OPCML: variants seen among roughly 807,000 people sequenced by gnomAD.
OPCML encodes the protein opioid binding protein/cell adhesion molecule like, also known as opioid-binding protein/cell adhesion molecule.
OPCML carries 13 observed loss-of-function variants against 37.8 expected under a neutral mutation model. The observed-to-expected ratio is 0.34, with a 90% confidence interval of 0.22 to 0.55. OPCML has a LOEUF of 0.55. Ranked by LOEUF, OPCML falls within the 20% of genes least tolerant of loss-of-function variation. The pLI is 0.91. For missense variants in OPCML, 341 were observed against 435.6 expected (o/e 0.78, Z 1.93); for synonymous variants, 176 against 168.8 (o/e 1.04, Z -0.33).
At chr11:133,152,197 C>A (rs75122698) in intron 1 of OPCML, among the ~76,000 whole-genome samples, 2 of 152,234 alleles carry the variant, frequency 1.3e-5, no homozygotes, top group East Asian at 3.9e-4. Flanking sequence ...AAAAGAGGGT[C>A]AGATACCCCT....
intron 1 of OPCML, among the ~76,000 whole-genome samples, chr11:133,456,711 C>T (rs992550045): frequency 6.7e-6 from 1 of 148,322 alleles, no homozygotes; most frequent in Non-Finnish European, 1.5e-5. Flanking sequence ...ATAATATCAA[C>T]AAAGAGACAA....
At chr11:132,957,792 G>A (rs974465820) in intron 1 of OPCML, among the ~76,000 whole-genome samples, 1 of 152,126 alleles carries the variant, frequency 6.6e-6, no homozygotes, top group South Asian at 2.1e-4. Flanking sequence ...GGGGCAGCAC[G>A]AGCTATGCTC....
chr11:133,012,674 A>C (rs908458601), intron 1 of OPCML, among the ~76,000 whole-genome samples: 2 of 152,062 alleles, frequency 1.3e-5, no homozygotes, highest in Non-Finnish European at 2.9e-5. Context: ...TCAGGAGTTC[A>C]AGACCAGCCT....
chr11:133,439,519 G>C (rs1478797440), intron 1 of OPCML: 25 of 819,898 alleles, frequency 3.0e-5, no homozygotes, highest in Non-Finnish European at 3.4e-5. Context: ...CCAGGCTGGA[G>C]TGCAGTGGCT....
At chr11:133,035,638 C>T (rs1045377282) in intron 1 of OPCML, among the ~76,000 whole-genome samples, 3 of 152,110 alleles carry the variant, frequency 2.0e-5, no homozygotes, top group African/African-American at 4.8e-5. Context: ...AATCGTGCCC[C>T]CCCAAAAAAT....
intron 1 of OPCML, among the ~76,000 whole-genome samples, chr11:133,231,340 G>C (rs1396555783): frequency 6.6e-6 from 1 of 152,078 alleles, no homozygotes; most frequent in African/African-American, 2.4e-5. Flanking sequence ...CAAAACCCAA[G>C]ATCAAATCCC....
At chr11:133,022,633 A>G (rs114813356) in intron 1 of OPCML, among the ~76,000 whole-genome samples, 4 of 152,120 alleles carry the variant, frequency 2.6e-5, no homozygotes, top group Non-Finnish European at 4.4e-5. Context: ...CCAAGGTGGA[A>G]CAGAAGTCCA....
At chr11:132,420,361 A>C in intron 7 of OPCML, 68 bp from the exon 8 acceptor site, 1 of 1,586,508 alleles carries the variant, frequency 6.3e-7, no homozygotes, top group Non-Finnish European at 8.6e-7. Flanking sequence ...TTCCCTGACA[A>C]GCAAATACAC....
intron 1 of OPCML, among the ~76,000 whole-genome samples, chr11:133,473,820 A>C (rs950532113): frequency 6.6e-6 from 1 of 152,230 alleles, no homozygotes; most frequent in Admixed American, 6.5e-5. Context: ...CCCAAGAGCT[A>C]TCTGCATACT....
chr11:132,633,421 A>C (rs1940279361), intron 3 of OPCML, among the ~76,000 whole-genome samples: 1 of 152,166 alleles, frequency 6.6e-6, no homozygotes, highest in Admixed American at 6.5e-5. Flanking sequence ...AGATGGAAAT[A>C]AAAATAGCCC....
intron 1 of OPCML, among the ~76,000 whole-genome samples, chr11:133,015,140 T>G (rs891494677): frequency 1.3e-5 from 2 of 152,104 alleles, no homozygotes; most frequent in Admixed American, 1.3e-4. Flanking sequence ...TACATAGATC[T>G]GACAATACCA....
At position 132,632,200 on chromosome 11, in the gene OPCML, T is replaced by A. The variant is rs183645867; in HGVS notation, c.379+24887A>T. On this transcript the variant is annotated intron_variant, in intron 3 of 7. Coordinates refer to ENST00000524381, the MANE Select transcript of OPCML (RefSeq NM_001012393.5). ...ACATGGAGATTTGGGCAGGATCTTG[T>A]TAGGCCCCTGAGGGTGCCTCAGGCA... is the stretch of plus-strand genomic sequence containing the variant. Among the ~76,000 whole-genome samples, 17 of 149,460 alleles carry A rather than the reference T, an allele frequency of 1.1e-4. No homozygotes were observed. In the East Asian group the frequency reaches 3.3e-3, roughly 29 times the overall value.
intron 1 of OPCML, among the ~76,000 whole-genome samples, chr11:133,342,698 A>G (rs909614101): frequency 1.2e-4 from 18 of 152,132 alleles, no homozygotes; most frequent in Non-Finnish European, 2.4e-4. Flanking sequence ...TGTGTTTGCA[A>G]AAACAGAAGA....
chr11:132,675,415 A>G (rs1033207863), intron 2 of OPCML, among the ~76,000 whole-genome samples: 1 of 152,126 alleles, frequency 6.6e-6, no homozygotes, highest in East Asian at 1.9e-4. Flanking sequence ...TCTATTCAAA[A>G]TTGTATTTAA....
intron 2 of OPCML, among the ~76,000 whole-genome samples, chr11:132,719,954 G>A (rs1254662391): frequency 6.6e-6 from 1 of 152,192 alleles, no homozygotes; most frequent in Non-Finnish European, 1.5e-5. Context: ...TTTGGAACTA[G>A]AGTCATCTGG....
At chr11:133,290,850 C>A (rs1942453940) in intron 1 of OPCML, among the ~76,000 whole-genome samples, 1 of 152,192 alleles carries the variant, frequency 6.6e-6, no homozygotes, top group Non-Finnish European at 1.5e-5. Context: ...TACTTTAAGC[C>A]CTGTGAGGCC....
chr11:133,234,678 A>G (rs935240786), intron 1 of OPCML, among the ~76,000 whole-genome samples: 2 of 152,214 alleles, frequency 1.3e-5, no homozygotes, highest in Non-Finnish European at 1.5e-5. Context: ...TAGTTATTGA[A>G]TCACTCTTCA....
chr11:132,674,521 C>T (rs574978512), intron 2 of OPCML, among the ~76,000 whole-genome samples: 30 of 152,172 alleles, frequency 2.0e-4, no homozygotes, highest in African/African-American at 6.7e-4. Flanking sequence ...AAAATGTCAC[C>T]CAAAGTCTAT....
intron 2 of OPCML, among the ~76,000 whole-genome samples, chr11:132,677,879 C>T (rs1347766184): frequency 6.6e-6 from 1 of 151,990 alleles, no homozygotes; most frequent in Non-Finnish European, 1.5e-5. Flanking sequence ...AGGCACAATT[C>T]ATGAAAGAAA....
Sources: gnomAD v4.1 joint callset for allele counts (sites outside exome capture counted in the v4.1 genomes callset) on GRCh38, gnomAD v4.1.1 for gene constraint, MANE v1.5 for transcripts, NCBI Gene and HGNC (gene_info 2026-07-23, HGNC 2026-07-21) for gene names.